RYR3: variants seen among roughly 807,000 people sequenced by gnomAD.
RYR3 encodes the protein ryanodine receptor 3.
A neutral mutation model predicts 584.3 loss-of-function variants in RYR3; 207 were observed. The observed-to-expected ratio is 0.35, with a 90% confidence interval of 0.32 to 0.40. The LOEUF (loss-of-function observed/expected upper bound fraction) is 0.40, where lower values mean the gene tolerates loss of function less well. Among genes scored for constraint, RYR3 ranks in the 10% least tolerant of loss-of-function variants. RYR3 has a pLI of 1.00. For missense variants in RYR3, 5,616 were observed against 6,089.2 expected (o/e 0.92, Z 2.59); for synonymous variants, 2,416 against 2,248.5 (o/e 1.07, Z -2.11).
intron 3 of RYR3, among the ~76,000 whole-genome samples, chr15:33,518,149 C>T (rs1478270564): frequency 1.3e-5 from 2 of 152,184 alleles, no homozygotes; most frequent in African/African-American, 2.4e-5. Flanking sequence ...CACTTCCTCT[C>T]ACTGTGGGCC....
chr15:33,720,282 G>A (rs2067814191), intron 43 of RYR3, among the ~76,000 whole-genome samples: 2 of 152,176 alleles, frequency 1.3e-5, no homozygotes, highest in Non-Finnish European at 2.9e-5. Flanking sequence ...ACTCTTCAGG[G>A]CTGTGAGACA....
chr15:33,819,699 T>C, intron 76 of RYR3, 57 bp from the exon 77 acceptor site: 3 of 911,768 alleles, frequency 3.3e-6, no homozygotes, highest in South Asian at 2.7e-5. Context: ...AATAAATAAA[T>C]AAATAAATAA....
rs10851894 is a variant in RYR3, at chr15:33,772,101, A to G, written c.8998A>G (p.Ile3000Val). 4.8e-3 allele frequency: 7,785 copies of G among 1,613,714 alleles called. 259 individuals are homozygous for G. The African/African-American group carries it at 0.079, about 16-fold the overall frequency. Residue 3000 changes from isoleucine (I) to valine (V), a missense_variant, in exon 63 of 104, where the codon ATC becomes GTC. Physicochemically the swap from Ile to Val is conservative, Grantham distance 29. Around this residue, in one of 9 missense-constraint regions of RYR3, gnomAD observed 954 missense variants for 1,132.2 expected, o/e 0.84. Transcript: ENST00000634891. ...INYTTVALLP[I>V]LTSIFEHVTQ... The stretch of plus-strand genomic sequence containing the variant: ...CTACACTACAGTGGCTCTGCTCCCC[A>G]TCCTGACGTCCATCTTTGAGCACGT...
chr15:33,360,527 T>G (rs755722213), intron 1 of RYR3, among the ~76,000 whole-genome samples: 2 of 152,248 alleles, frequency 1.3e-5, no homozygotes, highest in African/African-American at 4.8e-5. Context: ...CCTGCTGATA[T>G]GAATATTTGG....
At chr15:33,725,154 T>TACACACACACACACAC (rs58951939) in intron 45 of RYR3, among the ~76,000 whole-genome samples, 18 of 113,896 alleles carry the variant, frequency 1.6e-4, no homozygotes, top group African/African-American at 5.0e-4. Flanking sequence ...TCCAACACCT[T>TACACACACACACACAC]ACACACACAC....
At chr15:33,672,024 G>T (rs747861366) in intron 38 of RYR3, among the ~76,000 whole-genome samples, 38 of 151,924 alleles carry the variant, frequency 2.5e-4, no homozygotes, top group South Asian at 4.1e-4. Context: ...ATGTTGGCCA[G>T]GTTGGTCTCG....
At chr15:33,844,221 C>G (rs985037587) in intron 92 of RYR3, among the ~76,000 whole-genome samples, 2 of 152,206 alleles carry the variant, frequency 1.3e-5, no homozygotes, top group Non-Finnish European at 2.9e-5. Flanking sequence ...ACTCGACAAA[C>G]TAATGACCTT....
chr15:33,584,510 T>A lies in RYR3; in HGVS notation c.1669+20T>A. On this transcript the variant is annotated intron_variant, in intron 15 of 103. Transcript: ENST00000634891. ...CCTCAGGTGAGAATTGACAGGAAAC[T>A]ATAACTAGAAAAGATGAAGGGTTTT... is the stretch of plus-strand genomic sequence containing the variant. 8.7e-7 allele frequency: 1 copy of A among 1,142,908 alleles called. No homozygotes were observed. The highest frequency in any genetic ancestry group is 1.3e-6 in the Non-Finnish European group (1 of 781,264). 70.8% of individuals were successfully genotyped at this position (1,142,908 alleles called of 1,614,324 possible). A position where few individuals can be genotyped will look rare whatever the true frequency, so the allele number is the denominator to read the frequency against.
At chr15:33,553,618 T>A (rs2056850688) in intron 10 of RYR3, among the ~76,000 whole-genome samples, 1 of 152,076 alleles carries the variant, frequency 6.6e-6, no homozygotes, top group South Asian at 2.1e-4. Flanking sequence ...CAGGATGTGA[T>A]CTTGATCAAG....
chr15:33,692,559 C>G (rs140764635), intron 38 of RYR3, among the ~76,000 whole-genome samples: 1 of 151,754 alleles, frequency 6.6e-6, no homozygotes, highest in East Asian at 1.9e-4. Context: ...GGAATTACAT[C>G]TGCCTGTCAG....
At chr15:33,660,150 C>A (rs1373934945) in intron 33 of RYR3, 47 bp from the exon 34 acceptor site, 1 of 1,344,356 alleles carries the variant, frequency 7.4e-7, no homozygotes, top group East Asian at 2.5e-5. Context: ...GGTGCGTCAT[C>A]CAGCAACTGT....
chr15:33,699,990 G>A (rs957904036), intron 41 of RYR3, among the ~76,000 whole-genome samples, 157 bp downstream of exon 41: 11 of 152,192 alleles, frequency 7.2e-5, no homozygotes, highest in Non-Finnish European at 1.6e-4. Context: ...TTGAAGTAAC[G>A]ATGCCACAAG....
In RYR3 at chr15:33,716,571, A is replaced by T. The variant is rs114747679; in HGVS notation, c.6620-6144A>T. Reference sequence around the variant, plus strand: ...CAGTCAAAACAGTACCAGTAATAGAAAACAAATTCCTCAAATAAAGAAGCC... The same window carrying T: ...CAGTCAAAACAGTACCAGTAATAGATAACAAATTCCTCAAATAAAGAAGCC... On this transcript the variant is annotated intron_variant, in intron 43 of 103. Transcript: ENST00000634891. Among the ~76,000 whole-genome samples, 351 of 151,158 alleles carry T rather than the reference A, an allele frequency of 2.3e-3. 2 individuals are homozygous for T. Among genetic ancestry groups the T allele is most frequent in the African/African-American group, 8.2e-3 (340 of 41,524 alleles).
intron 2 of RYR3, among the ~76,000 whole-genome samples, chr15:33,478,324 G>A (rs2049619448): frequency 6.6e-6 from 1 of 152,200 alleles, no homozygotes; most frequent in Non-Finnish European, 1.5e-5. Flanking sequence ...AAGAGCTTGA[G>A]AGGGTCCACG....
At chr15:33,615,776 G>A (rs1165252420) in intron 19 of RYR3, among the ~76,000 whole-genome samples, 1 of 152,206 alleles carries the variant, frequency 6.6e-6, no homozygotes, top group East Asian at 1.9e-4. Flanking sequence ...GCCATCAGAA[G>A]CATGTGGAAA....
intron 6 of RYR3, among the ~76,000 whole-genome samples, chr15:33,539,703 G>A (rs2055648698): frequency 6.6e-6 from 1 of 152,020 alleles, no homozygotes; most frequent in African/African-American, 2.4e-5. Context: ...ACTTTTGATG[G>A]GAAACCTTAC....
chr15:33,384,787 T>C (rs897029331), intron 1 of RYR3, among the ~76,000 whole-genome samples: 5 of 152,232 alleles, frequency 3.3e-5, no homozygotes, highest in South Asian at 2.1e-4. Context: ...CCTGAACTTA[T>C]TCTCCTGTCT....
In RYR3 at chr15:33,662,657, C is replaced by T. The variant is rs755069374; in HGVS notation, c.5127C>T (p.His1709=). 2 of 1,614,092 alleles carry T rather than the reference C, an allele frequency of 1.2e-6. No individual in the cohort carries two copies. Among genetic ancestry groups the T allele is most frequent in the Non-Finnish European group, 8.5e-7 (1 of 1,179,942 alleles). ...LTEAVQCSGA[H]IRDPVGGSVE... is the part of the protein sequence containing the mutation. Reference sequence around the variant, plus strand: ...AGGCAGTGCAGTGCAGCGGGGCCCACATCCGAGACCCTGTAGGGGGGTCTG... The same window carrying T: ...AGGCAGTGCAGTGCAGCGGGGCCCATATCCGAGACCCTGTAGGGGGGTCTG... The change falls in exon 35 of 104, where the codon CAC becomes CAT. Residue 1709 remains histidine, a synonymous_variant. Transcript: ENST00000634891.
intron 43 of RYR3, among the ~76,000 whole-genome samples, chr15:33,720,086 A>C (rs1330828338): frequency 3.9e-5 from 6 of 152,350 alleles, no homozygotes. Context: ...CCGTGAATGG[A>C]AGCTGATTAG....
Sources: allele counts gnomAD v4.1 joint callset (sites outside exome capture counted in the v4.1 genomes callset), GRCh38; gene constraint gnomAD v4.1.1; regional missense constraint gnomAD v4.1.1; transcripts MANE v1.5; gene names NCBI Gene and HGNC (gene_info 2026-07-23, HGNC 2026-07-21).